MLXIP: variants seen among roughly 807,000 people sequenced by gnomAD.
The protein encoded by MLXIP is MLX-interacting protein.
In MLXIP, 30 loss-of-function variants were observed where a neutral mutation model predicts 87.2. The observed-to-expected ratio is 0.34, with a 90% CI of 0.26 to 0.47. The LOEUF is 0.47. Ranked by LOEUF, MLXIP falls within the 20% of genes least tolerant of loss-of-function variation. The pLI is 1.00. For synonymous variants in MLXIP, 530 were observed against 514.0 expected (o/e 1.03, Z -0.42); for missense variants, 1,002 against 1,240.1 (o/e 0.81, Z 2.88).
intron 1 of MLXIP, among the ~76,000 whole-genome samples, chr12:122,114,601 A>G (rs978772486): frequency 2.0e-5 from 3 of 152,146 alleles, no homozygotes; most frequent in South Asian, 4.1e-4. Context: ...CAGATTGGTA[A>G]CTGTTCTGTG....
At chr12:122,121,402 G>A (rs4132933) in intron 1 of MLXIP, among the ~76,000 whole-genome samples, 22,919 of 149,048 alleles carry the variant, frequency 0.15, 2,332 homozygotes, top group East Asian at 0.26. Flanking sequence ...TGAGTAGCTG[G>A]GATTACAGGC....
intron 1 of MLXIP, among the ~76,000 whole-genome samples, chr12:122,082,014 A>C (rs1218111162): frequency 6.6e-6 from 1 of 152,166 alleles, no homozygotes; most frequent in Non-Finnish European, 1.5e-5. Flanking sequence ...GGGAGGAACT[A>C]AGTGCAGGGG....
chr12:122,133,585 C>A lies in MLXIP; in HGVS notation c.1330C>A (p.Pro444Thr). ...MPLLSPSPAP[P>T]PISPVLPLVP... The stretch of plus-strand genomic sequence containing the variant: ...CCTGCTGTCTCCCAGCCCCGCCCCA[C>A]CGCCCATCTCCCCCGTGTTACCATT... Residue 444 changes from proline (P) to threonine (T), a missense_variant, in exon 9 of 17, where the codon CCG (proline) becomes ACG (threonine). This residue lies in a region of MLXIP where 746 missense variants were observed against 897.0 expected (regional missense o/e 0.83). Coordinates refer to ENST00000319080, the MANE Select transcript of MLXIP (RefSeq NM_014938.6). The surrounding 1 kb of genome is among the most constrained non-coding windows in gnomAD (Gnocchi z 4.9). The A allele has an allele frequency of 6.2e-7, 1 of 1,606,658 alleles. No individual in the cohort carries two copies. The highest frequency in any genetic ancestry group is 8.5e-7 in the Non-Finnish European group (1 of 1,176,668).
intron 1 of MLXIP, among the ~76,000 whole-genome samples, chr12:122,101,996 G>A (rs1952445690): frequency 6.6e-6 from 1 of 152,140 alleles, no homozygotes; most frequent in South Asian, 2.1e-4. Context: ...GTCCTTTGAT[G>A]ACTATCCTTG....
intron 5 of MLXIP, 28 bp from the exon 6 acceptor site, chr12:122,129,913 T>C (rs1324486335): frequency 4.4e-6 from 7 of 1,591,142 alleles, no homozygotes; most frequent in Non-Finnish European, 6.0e-6. Context: ...TCTTTGATGC[T>C]TCCTCCCCTG....
At chr12:122,131,388 C>T (rs1179818488) in intron 7 of MLXIP, among the ~76,000 whole-genome samples, 1 of 150,846 alleles carries the variant, frequency 6.6e-6, no homozygotes, top group African/African-American at 2.4e-5. Context: ...CTGTCCATGG[C>T]ATCCCCCTGG....
chr12:122,111,123 G>C (rs1023679289), intron 1 of MLXIP, among the ~76,000 whole-genome samples: 2 of 151,790 alleles, frequency 1.3e-5, no homozygotes, highest in African/African-American at 4.8e-5. Flanking sequence ...GCTACCTGGC[G>C]AGTGTTACCT....
rs1013736836 is a variant in MLXIP, at chr12:122,143,293, C to G, written c.*1481C>G. The G allele has an allele frequency of 6.6e-6, 1 of 152,364 alleles. No individual in the cohort carries two copies. The highest frequency in any genetic ancestry group is 6.5e-5 in the Admixed American group (1 of 15,292). The allele number at this position is 152,364 out of a possible 1,614,324, so 9.4% of individuals were successfully genotyped here. On this transcript the variant is annotated 3_prime_UTR_variant, in exon 17 of 17. Coordinates refer to ENST00000319080, the MANE Select transcript of MLXIP (RefSeq NM_014938.6). Reference sequence around the variant, plus strand: ...AGTTTAGATCCAGTTGGAGGTTCTCCCTGGCTCCTGCAGGCCTGCGGGGAT... The same window carrying G: ...AGTTTAGATCCAGTTGGAGGTTCTCGCTGGCTCCTGCAGGCCTGCGGGGAT...
intron 1 of MLXIP, among the ~76,000 whole-genome samples, chr12:122,079,752 C>T (rs1952064468): frequency 1.3e-5 from 2 of 152,218 alleles, no homozygotes; most frequent in Admixed American, 1.3e-4. Flanking sequence ...TGTCTGCCTC[C>T]AAGGGGCTGT....
rs75802403 is a variant in MLXIP, at chr12:122,082,967, C to T, written c.413+3701C>T. Among the ~76,000 whole-genome samples the T allele has an allele frequency of 3.2e-3, 491 of 152,274 alleles. 6 individuals are homozygous for T. The highest frequency in any genetic ancestry group is 0.023 in the East Asian group (119 of 5,178). ...TCTTGAGTAGCTGGGACTGCGGGCA[C>T]GCACTACTATGCCTGGCTAATTTTT... On this transcript the variant is annotated intron_variant, in intron 1 of 16. Transcript: ENST00000319080.
In MLXIP at chr12:122,133,521, G is replaced by C. The variant is rs764561207; in HGVS notation, c.1266G>C (p.Leu422=). 1 of 1,611,262 alleles carries C rather than the reference G, an allele frequency of 6.2e-7. No individual in the cohort carries two copies. Reference sequence around the variant, plus strand: ...ACTTCGGTCCCTCAGAGCCGCCACTGAGTGTCCCGCAGCCCTTCCTCCCTG... The same window carrying C: ...ACTTCGGTCCCTCAGAGCCGCCACTCAGTGTCCCGCAGCCCTTCCTCCCTG... ...PTDFGPSEPP[L]SVPQPFLPVF... Residue 422 remains leucine, a synonymous_variant, in exon 9 of 17, where the codon CTG becomes CTC. Coordinates refer to ENST00000319080, the MANE Select transcript of MLXIP (RefSeq NM_014938.6). The surrounding 1 kb of genome is among the most constrained non-coding windows in gnomAD (Gnocchi z 4.9).
chr12:122,082,171 A>T (rs1952100664), intron 1 of MLXIP, among the ~76,000 whole-genome samples: 1 of 152,120 alleles, frequency 6.6e-6, no homozygotes. Flanking sequence ...GAGGACTTGG[A>T]TATGAGTGTG....
rs1304760269 is a variant in MLXIP at position 122,137,492 on chromosome 12, C to T, written c.2056C>T (p.Gln686Ter). The T allele has an allele frequency of 6.2e-7, 1 of 1,613,994 alleles. No individual in the cohort carries two copies. The highest frequency in any genetic ancestry group is 1.7e-5 in the Admixed American group (1 of 60,024). The change falls in exon 12 of 17, where the codon CAG becomes TAG. Residue 686 changes from glutamine (Q) to a stop codon, truncating the protein, a stop_gained. Coordinates refer to ENST00000319080, the MANE Select transcript of MLXIP (RefSeq NM_014938.6). LOFTEE classifies it high-confidence loss of function. The surrounding 1 kb of genome is among the most constrained non-coding windows in gnomAD (Gnocchi z 4.1). ...GPSRDCPNSG[Q>*]ASPCASEQSP... ...AGGTCGGGACTGCCCAAACTCAGGGCAGGCCTCTCCGTGTGCATCGGAGCA... is the reference window on the plus strand; with the variant it reads ...AGGTCGGGACTGCCCAAACTCAGGGTAGGCCTCTCCGTGTGCATCGGAGCA...
At chr12:122,082,820 C>T (rs903946501) in intron 1 of MLXIP, among the ~76,000 whole-genome samples, 2 of 152,158 alleles carry the variant, frequency 1.3e-5, no homozygotes, top group Non-Finnish European at 2.9e-5. Flanking sequence ...ATATCCTTCA[C>T]ACAGAATTTC....
intron 1 of MLXIP, among the ~76,000 whole-genome samples, chr12:122,099,721 C>T (rs1474934094): frequency 6.6e-6 from 1 of 152,236 alleles, no homozygotes; most frequent in Non-Finnish European, 1.5e-5. Context: ...CATTGTCCTA[C>T]CTCTGCGCCT....
intron 1 of MLXIP, among the ~76,000 whole-genome samples, chr12:122,114,654 A>C (rs972922488): frequency 6.6e-6 from 1 of 152,070 alleles, no homozygotes; most frequent in South Asian, 2.1e-4. Flanking sequence ...ATCAGGCAGA[A>C]CTAATTTCTA....
rs1340360479 is a variant in MLXIP, at chr12:122,135,717, G to T, written c.2032+51G>T. The T allele has an allele frequency of 4.1e-6, 6 of 1,450,594 alleles. No homozygotes were observed. Among genetic ancestry groups the T allele is most frequent in the Non-Finnish European group, 5.4e-6 (6 of 1,104,606 alleles). 89.9% of individuals were successfully genotyped at this position (1,450,594 alleles called of 1,614,324 possible). ...TGGGGCATCGCAAGGGAAGTAACTGGGCCTGCCGTAGACCATGGGGGGTGC... is the reference window on the plus strand; with the variant it reads ...TGGGGCATCGCAAGGGAAGTAACTGTGCCTGCCGTAGACCATGGGGGGTGC... On this transcript the variant is annotated intron_variant, in intron 11 of 16. Transcript: ENST00000319080. The surrounding 1 kb of genome is among the most constrained non-coding windows in gnomAD (Gnocchi z 5.3).
At chr12:122,136,819 G>A (rs1953101832) in intron 11 of MLXIP, 1 of 152,218 alleles carries the variant, frequency 6.6e-6, no homozygotes, top group Admixed American at 6.6e-5. Context: ...AGAGAGTTGG[G>A]AGTCAGGCCC....
rs372277206 is a variant in MLXIP at position 122,133,443 on chromosome 12, G to A, written c.1188G>A (p.Glu396=). The A allele has an allele frequency of 5.5e-5, 89 of 1,612,956 alleles. No individual in the cohort carries two copies. In the African/African-American group the frequency reaches 1.1e-3, roughly 19 times the overall value. ...PTAPSLAHMD[E]QGCEHTSRTE... is the part of the protein sequence containing the mutation. The stretch of plus-strand genomic sequence containing the variant: ...CCCCATCCCTGGCTCACATGGATGA[G>A]CAGGGCTGTGAACACACCTCCCGGA... The change falls in exon 9 of 17, where the codon GAG becomes GAA. Residue 396 remains glutamate, a synonymous_variant. Transcript: ENST00000319080. This position sits in a 1 kb window ranked among gnomAD's most constrained non-coding sequence, Gnocchi z 4.9.
Sources: gnomAD v4.1 joint callset for allele counts (sites outside exome capture counted in the v4.1 genomes callset) on GRCh38, gnomAD v4.1.1 for gene constraint, gnomAD v4.1.1 regional missense constraint, Gnocchi (gnomAD v3.1) non-coding constraint, MANE v1.5 for transcripts, NCBI Gene and HGNC (gene_info 2026-07-23, HGNC 2026-07-21) for gene names.